The following CSGALNACT2 variants were observed in gnomAD, a reference collection of about 807,000 sequenced individuals.
The protein encoded by CSGALNACT2 is chondroitin sulfate N-acetylgalactosaminyltransferase 2, also known as beta 4 GalNAcT-2.
CSGALNACT2 carries 35 observed loss-of-function variants against 55.3 expected under a neutral mutation model. That is an observed-to-expected ratio of 0.63 (90% CI 0.48 to 0.84). The LOEUF is 0.84. Ranked by LOEUF, CSGALNACT2 falls within the 40% of genes least tolerant of loss-of-function variation. CSGALNACT2 has a pLI of 0.00. For missense variants in CSGALNACT2, 544 were observed against 657.5 expected, an observed-to-expected ratio of 0.83 and a Z score of 1.89; for synonymous variants, 196 against 224.9, an observed-to-expected ratio of 0.87 and a Z score of 1.15.
chr10:43,179,658 A>G (rs1746681095), intron 7 of CSGALNACT2, among the ~76,000 whole-genome samples: 1 of 152,192 alleles, frequency 6.6e-6, no homozygotes, highest in Non-Finnish European at 1.5e-5. Flanking sequence ...AAATTGCTCC[A>G]TAATCTGTCC....
rs1839671219 is a variant in CSGALNACT2 at position 43,185,190 on chromosome 10, G to A, written c.*1648G>A. Reference sequence around the variant, plus strand: ...ATCAAATGAGTTTACTTTTGTTCCTGTTGTTTTTAACTAGCTTTAAGTTTA... The same window carrying A: ...ATCAAATGAGTTTACTTTTGTTCCTATTGTTTTTAACTAGCTTTAAGTTTA... On this transcript the variant is annotated 3_prime_UTR_variant, in exon 8 of 8. Coordinates refer to ENST00000374466, the MANE Select transcript of CSGALNACT2 (RefSeq NM_018590.5). 1 of 152,146 alleles carries A rather than the reference G, an allele frequency of 6.6e-6. No homozygotes were observed. Among genetic ancestry groups the A allele is most frequent in the South Asian group, 2.1e-4 (1 of 4,836 alleles). 9.4% of individuals were successfully genotyped at this position (152,146 alleles called of 1,614,324 possible). A position where few individuals can be genotyped will look rare whatever the true frequency, so the allele number is the denominator to read the frequency against.
At chr10:43,151,639 T>C (rs1412942443) in intron 1 of CSGALNACT2, among the ~76,000 whole-genome samples, 1 of 152,306 alleles carries the variant, frequency 6.6e-6, no homozygotes. Context: ...CCTATTCAGA[T>C]TTCTGGAGTT....
chr10:43,166,742 C>A (rs900681771), intron 5 of CSGALNACT2, among the ~76,000 whole-genome samples: 1 of 152,198 alleles, frequency 6.6e-6, no homozygotes, highest in Non-Finnish European at 1.5e-5. Flanking sequence ...GAATACACAT[C>A]TCCCCAAAGT....
At chr10:43,168,852 G>T (rs1317819181) in intron 6 of CSGALNACT2, among the ~76,000 whole-genome samples, 1 of 152,172 alleles carries the variant, frequency 6.6e-6, no homozygotes, top group Non-Finnish European at 1.5e-5. Flanking sequence ...ATGAGAGAAG[G>T]TGTTAGCAGC....
At chr10:43,141,504 C>T (rs1281902967) in intron 1 of CSGALNACT2, among the ~76,000 whole-genome samples, 1 of 151,554 alleles carries the variant, frequency 6.6e-6, no homozygotes, top group Non-Finnish European at 1.5e-5. Context: ...CGTGAGCCAC[C>T]GCACCTGGCC....
rs199838572 is a variant in CSGALNACT2 at position 43,156,855 on chromosome 10, C to G, written c.661+1045C>G. On this transcript the variant is annotated intron_variant, in intron 2 of 7. Transcript: ENST00000374466. ...TCACCTCTTGCTGTGCCGCCTAGTTCCCAACAAACAGGCCACGGACCAGTA... is the reference window on the plus strand; with the variant it reads ...TCACCTCTTGCTGTGCCGCCTAGTTGCCAACAAACAGGCCACGGACCAGTA... Among the ~76,000 whole-genome samples, 26 of 152,366 alleles carry G rather than the reference C, an allele frequency of 1.7e-4. 1 individual carries two copies. The East Asian group carries it at 4.6e-3, about 27-fold the overall frequency.
In CSGALNACT2 at chr10:43,184,395, G is replaced by C. The variant is rs1312527217; in HGVS notation, c.*853G>C. 6.6e-6 allele frequency: 1 copy of C among 152,198 alleles called. No homozygotes were observed. 9.4% of individuals were successfully genotyped at this position (152,198 alleles called of 1,614,324 possible). A position where few individuals can be genotyped will look rare whatever the true frequency, so the allele number is the denominator to read the frequency against. ...GGTCTTCCCATGGTGGTTCAGAATA[G>C]ATGAGCATAGCATGGTTTTGTTTGT... On this transcript the variant is annotated 3_prime_UTR_variant, in exon 8 of 8. Coordinates refer to ENST00000374466, the MANE Select transcript of CSGALNACT2 (RefSeq NM_018590.5).
chr10:43,153,421 G>C (rs1838924005), intron 1 of CSGALNACT2, among the ~76,000 whole-genome samples: 1 of 151,292 alleles, frequency 6.6e-6, no homozygotes, highest in Non-Finnish European at 1.5e-5. Context: ...AATGACTAAG[G>C]AGAGTTAAGA....
At position 43,158,688 on chromosome 10, in the gene CSGALNACT2, G is replaced by A. The variant is rs183065514; in HGVS notation, c.662-27G>A. 6.1e-5 allele frequency: 82 copies of A among 1,340,024 alleles called. No homozygotes were observed. In the East Asian group the frequency reaches 1.6e-3, roughly 27 times the overall value. The allele number at this position is 1,340,024 out of a possible 1,614,324, so 83.0% of individuals were successfully genotyped here. ...AATTTGTAAACTTTGACATGGAGACGTCTTTGTTCCTAACTCTTTCCTTTA... is the reference window on the plus strand; with the variant it reads ...AATTTGTAAACTTTGACATGGAGACATCTTTGTTCCTAACTCTTTCCTTTA... On this transcript the variant is annotated intron_variant, in intron 2 of 7. Coordinates refer to ENST00000374466, the MANE Select transcript of CSGALNACT2 (RefSeq NM_018590.5).
chr10:43,138,520 G>T lies in CSGALNACT2; in HGVS notation c.-301G>T, dbSNP rs1838542735. 1 of 150,338 alleles carries T rather than the reference G, an allele frequency of 6.7e-6. No homozygotes were observed. The highest frequency in any genetic ancestry group is 2.1e-4 in the South Asian group (1 of 4,822). 9.3% of individuals were successfully genotyped at this position (150,338 alleles called of 1,614,324 possible). A position where few individuals can be genotyped will look rare whatever the true frequency, so the allele number is the denominator to read the frequency against. ...GCCCAAGGCGTGAGGCGCCGCCCGGGTGTCCCCGCGGCGCAGGAGGCGGTG... is the reference window on the plus strand; with the variant it reads ...GCCCAAGGCGTGAGGCGCCGCCCGGTTGTCCCCGCGGCGCAGGAGGCGGTG... On this transcript the variant is annotated 5_prime_UTR_variant, in exon 1 of 8. Transcript: ENST00000374466.
chr10:43,181,322 ACCTCACTT>A (rs1839584965), intron 7 of CSGALNACT2, among the ~76,000 whole-genome samples: 2 of 152,090 alleles, frequency 1.3e-5, no homozygotes, highest in Non-Finnish European at 2.9e-5. Context: ...TTACCCTGTG[ACCTCACTT>A]CTCTGTGAGA....
At chr10:43,165,086 G>A (rs1440149803) in intron 5 of CSGALNACT2, among the ~76,000 whole-genome samples, 5 of 151,970 alleles carry the variant, frequency 3.3e-5, no homozygotes, top group Non-Finnish European at 7.4e-5. Context: ...TTATCCGGTC[G>A]TGGTGGTGGG....
chr10:43,140,758 TA>T (rs1358933162), intron 1 of CSGALNACT2, among the ~76,000 whole-genome samples: 1 of 152,366 alleles, frequency 6.6e-6, no homozygotes, highest in East Asian at 1.9e-4. Context: ...GGTATAAGTG[TA>T]AAATTGAATT....
chr10:43,150,439 C>G (rs1838852644), intron 1 of CSGALNACT2, among the ~76,000 whole-genome samples: 4 of 152,170 alleles, frequency 2.6e-5, no homozygotes, highest in Admixed American at 2.6e-4. Flanking sequence ...ATTCCTTTAG[C>G]TTTTTATGTA....
rs1839629498 is a variant in CSGALNACT2 at position 43,183,395 on chromosome 10, G to A, written c.1482G>A (p.Leu494=). The A allele has an allele frequency of 3.1e-6, 5 of 1,614,168 alleles. No individual in the cohort carries two copies. Among genetic ancestry groups the A allele is most frequent in the African/African-American group, 1.3e-5 (1 of 75,020 alleles). The change falls in exon 8 of 8, where the codon CTG becomes CTA. Residue 494 remains leucine (L), a synonymous_variant. Transcript: ENST00000374466. ...ATGAAAAGCGCTGTGCTGATGAGCT[G>A]ACCCCCGAGCAGTACCGCATGTGCA... ...LWHEKRCADE[L]TPEQYRMCIQ...
chr10:43,155,835 A>G (rs1160656074), intron 2 of CSGALNACT2, 25 bp downstream of exon 2: 4 of 1,570,348 alleles, frequency 2.5e-6, no homozygotes, highest in Non-Finnish European at 2.6e-6. Flanking sequence ...ATGTTGGTCA[A>G]TATTATGTTA....
intron 5 of CSGALNACT2, among the ~76,000 whole-genome samples, chr10:43,165,876 C>T (rs1301609855): frequency 1.3e-5 from 2 of 151,942 alleles, no homozygotes; most frequent in Non-Finnish European, 2.9e-5. Context: ...CAGCTACTTG[C>T]GAGGCTGAGG....
At chr10:43,159,101 A>AT (rs1207392924) in intron 3 of CSGALNACT2, among the ~76,000 whole-genome samples, 170 bp downstream of exon 3, 1 of 152,128 alleles carries the variant, frequency 6.6e-6, no homozygotes, top group East Asian at 1.9e-4. Context: ...TGTGTAGTAT[A>AT]TTGTGTTATA....
chr10:43,180,003 G>A (rs1048068516), intron 7 of CSGALNACT2, among the ~76,000 whole-genome samples: 1 of 152,180 alleles, frequency 6.6e-6, no homozygotes, highest in African/African-American at 2.4e-5. Context: ...ATGAGGTTTT[G>A]CCCTGAGGAT....
Sources: gnomAD v4.1 joint callset for allele counts (sites outside exome capture counted in the v4.1 genomes callset) on GRCh38, gnomAD v4.1.1 for gene constraint, MANE v1.5 for transcripts, NCBI Gene and HGNC (gene_info 2026-07-23, HGNC 2026-07-21) for gene names.